The following GRM7 variants were observed in gnomAD, a reference collection of about 807,000 sequenced individuals.
GRM7 encodes metabotropic glutamate receptor 7.
A neutral mutation model predicts 84.5 loss-of-function variants in GRM7; 35 were observed. That is an observed-to-expected ratio of 0.41 (90% confidence interval 0.32 to 0.55). GRM7 has a LOEUF of 0.55. Ranked by LOEUF, GRM7 falls within the 20% of genes least tolerant of loss-of-function variation. The pLI is 0.19. For synonymous variants in GRM7, 487 were observed against 455.1 expected, an observed-to-expected ratio of 1.07 and a Z score of -0.89; for missense variants, 1,003 against 1,194.6, an observed-to-expected ratio of 0.84 and a Z score of 2.36.
At chr3:7,281,125 T>C (rs1358023722) in intron 2 of GRM7, among the ~76,000 whole-genome samples, 1 of 152,236 alleles carries the variant, frequency 6.6e-6, no homozygotes, top group Non-Finnish European at 1.5e-5. Context: ...AGATAATTGA[T>C]GAGGCTTTCT....
intron 2 of GRM7, among the ~76,000 whole-genome samples, chr3:7,178,664 T>A (rs932704247): frequency 3.3e-5 from 5 of 152,140 alleles, no homozygotes; most frequent in African/African-American, 1.2e-4. Flanking sequence ...TGCAGATGGG[T>A]GTCCCTCTCA....
chr3:6,974,050 T>C (rs1222650009), intron 1 of GRM7, among the ~76,000 whole-genome samples: 1 of 152,140 alleles, frequency 6.6e-6, no homozygotes, highest in Non-Finnish European at 1.5e-5. Flanking sequence ...ACTTTAAATT[T>C]GAAATGAAGC....
intron 5 of GRM7, among the ~76,000 whole-genome samples, chr3:7,436,303 C>G (rs1272701215): frequency 6.6e-6 from 1 of 151,824 alleles, no homozygotes; most frequent in African/African-American, 2.4e-5. Flanking sequence ...TTGTTAAGAA[C>G]AGGCTTAGAT....
chr3:7,519,959 G>A (rs115861218), intron 7 of GRM7: 13,936 of 152,208 alleles, frequency 0.092, 805 homozygotes, highest in Non-Finnish European at 0.11. Flanking sequence ...CCATCTATCA[G>A]TCTAGGCTGG....
At chr3:7,683,091 C>G (rs1700444303) in intron 9 of GRM7, among the ~76,000 whole-genome samples, 1 of 152,196 alleles carries the variant, frequency 6.6e-6, no homozygotes, top group African/African-American at 2.4e-5. Context: ...AATTCCAATG[C>G]AGGAACTATG....
chr3:7,003,493 C>T (rs1695081638), intron 1 of GRM7, among the ~76,000 whole-genome samples: 1 of 151,930 alleles, frequency 6.6e-6, no homozygotes, highest in Non-Finnish European at 1.5e-5. Context: ...TTTGGATGGT[C>T]CTCAAAGATT....
At chr3:7,718,508 A>G (rs544652123) in intron 9 of GRM7, among the ~76,000 whole-genome samples, 2 of 152,356 alleles carry the variant, frequency 1.3e-5, no homozygotes, top group Non-Finnish European at 2.9e-5. Context: ...ACTTGGAAAT[A>G]CGGCATTAAT....
intron 2 of GRM7, among the ~76,000 whole-genome samples, chr3:7,149,543 C>T (rs189037760): frequency 6.6e-6 from 1 of 152,108 alleles, no homozygotes; most frequent in Non-Finnish European, 1.5e-5. Flanking sequence ...TCTTTACCTG[C>T]AGGCTCGAAA....
At chr3:7,715,470 CAAAT>C (rs1701743515) in intron 9 of GRM7, among the ~76,000 whole-genome samples, 1 of 151,996 alleles carries the variant, frequency 6.6e-6, no homozygotes, top group Non-Finnish European at 1.5e-5. Context: ...TGTCTCAAAA[CAAAT>C]AAAGCAATGG....
At chr3:7,190,374 A>T (rs1360791910) in intron 2 of GRM7, among the ~76,000 whole-genome samples, 2 of 152,024 alleles carry the variant, frequency 1.3e-5, no homozygotes, top group South Asian at 2.1e-4. Flanking sequence ...GCCCAAACGG[A>T]TGTTGTCTTA....
chr3:7,204,852 C>T (rs1696182991), intron 2 of GRM7, among the ~76,000 whole-genome samples: 1 of 152,142 alleles, frequency 6.6e-6, no homozygotes, highest in East Asian at 1.9e-4. Context: ...AAGAGAAAAA[C>T]GATGTGAAAT....
chr3:6,912,860 G>A (rs1696819139), intron 1 of GRM7, among the ~76,000 whole-genome samples: 3 of 151,956 alleles, frequency 2.0e-5, no homozygotes, highest in African/African-American at 7.2e-5. Context: ...GTTATTAAGT[G>A]AATAAAACCA....
chr3:7,450,019 A>C (rs779735454), intron 5 of GRM7, among the ~76,000 whole-genome samples: 6 of 152,152 alleles, frequency 3.9e-5, no homozygotes, highest in Non-Finnish European at 7.4e-5. Context: ...AGGTAAAAGA[A>C]TAATGACAAA....
chr3:7,523,248 A>G (rs776628795), intron 7 of GRM7, among the ~76,000 whole-genome samples: 1 of 152,172 alleles, frequency 6.6e-6, no homozygotes. Context: ...TGTGCCTTTC[A>G]ACAAAAAGAT....
At chr3:7,167,876 G>A (rs6776304) in intron 2 of GRM7, among the ~76,000 whole-genome samples, 9,958 of 146,710 alleles carry the variant, frequency 0.068, 810 homozygotes, top group African/African-American at 0.18. Flanking sequence ...GGCTGAAGCA[G>A]GAGAATGGCG....
Position 7,294,582 on chromosome 3 carries a change from AT to A in GRM7, c.737-4101del, listed in dbSNP as rs1260009548. Among the ~76,000 whole-genome samples, 16 of 150,170 alleles carry A rather than the reference AT, an allele frequency of 1.1e-4. No homozygotes were observed. In the East Asian group the frequency reaches 1.6e-3, roughly 15 times the overall value. On this transcript the variant is annotated intron_variant, in intron 2 of 9. Transcript: ENST00000357716. ...AGCTCCCTAAAAAAAAAAAAGAAAA[AT>A]GTTTGGCTAGAATATCATTGAACAA...
At chr3:7,732,045 A>G (rs1702349674) in intron 9 of GRM7, among the ~76,000 whole-genome samples, 1 of 150,046 alleles carries the variant, frequency 6.7e-6, no homozygotes, top group East Asian at 2.0e-4. Flanking sequence ...CCTCGTGTCT[A>G]TTAAGCTTTT....
intron 7 of GRM7, among the ~76,000 whole-genome samples, chr3:7,528,094 T>TG (rs921341939): frequency 6.6e-6 from 1 of 152,090 alleles, no homozygotes; most frequent in Non-Finnish European, 1.5e-5. Flanking sequence ...TCCGTGGGAT[T>TG]GGTACCAGCT....
Position 7,443,130 on chromosome 3 carries a change from A to G in GRM7, c.1175-9477A>G, listed in dbSNP as rs185602539. The stretch of plus-strand genomic sequence containing the variant: ...TCATGAGCATCATGTGATCCTTCAG[A>G]CCAACACAAAAGCAGAAAGAGTAGT... On this transcript the variant is annotated intron_variant, in intron 5 of 9. Coordinates refer to ENST00000357716, the MANE Select transcript of GRM7 (RefSeq NM_000844.4). Among the ~76,000 whole-genome samples the G allele has an allele frequency of 2.6e-5, 4 of 151,814 alleles. No homozygotes were observed. The East Asian group carries it at 7.8e-4, about 29-fold the overall frequency.
Sources: gnomAD v4.1 joint callset for allele counts (sites outside exome capture counted in the v4.1 genomes callset) on GRCh38, gnomAD v4.1.1 for gene constraint, MANE v1.5 for transcripts, NCBI Gene and HGNC (gene_info 2026-07-23, HGNC 2026-07-21) for gene names.